Variants in STARD13 observed in about 807,000 individuals in gnomAD.
STARD13 encodes StAR related lipid transfer domain containing 13.
A neutral mutation model predicts 106.4 loss-of-function variants in STARD13; 62 were observed. The observed-to-expected ratio is 0.58, with a 90% CI of 0.48 to 0.72. The LOEUF (loss-of-function observed/expected upper bound fraction) is 0.72, where lower values mean the gene tolerates loss of function less well. STARD13 is among the 30% of genes least tolerant of loss of function. The pLI, the probability that STARD13 is intolerant of heterozygous loss-of-function variation, is 0.00. For missense variants in STARD13, 1,387 were observed against 1,424.0 expected, an observed-to-expected ratio of 0.97 and a Z score of 0.42; for synonymous variants, 565 against 553.0, an observed-to-expected ratio of 1.02 and a Z score of -0.31.
chr13:33,318,208 C>T (rs1893415775), intron 1 of STARD13, among the ~76,000 whole-genome samples: 1 of 152,144 alleles, frequency 6.6e-6, no homozygotes, highest in African/African-American at 2.4e-5. Context: ...TTATGATCTA[C>T]TCAGTTTTAA....
the STARD13 span, among the ~76,000 whole-genome samples, chr13:33,564,928 G>T: frequency 7.0e-6 from 1 of 143,794 alleles, no homozygotes; most frequent in Non-Finnish European, 1.5e-5. Context: ...GGGAGGTGGA[G>T]GTTGCAGTGA....
At chr13:33,161,912 C>G (rs79397685) in intron 3 of STARD13, among the ~76,000 whole-genome samples, 22,651 of 151,942 alleles carry the variant, frequency 0.15, 2,260 homozygotes, top group African/African-American at 0.28. Context: ...CCTGATAAAA[C>G]CTTCAGATCT....
chr13:33,218,250 A>G (rs747476081), intron 1 of STARD13, among the ~76,000 whole-genome samples: 3 of 152,188 alleles, frequency 2.0e-5, no homozygotes, highest in African/African-American at 4.8e-5. Context: ...TTCCTTATCT[A>G]TGAGGAACAT....
the STARD13 span, among the ~76,000 whole-genome samples, chr13:33,522,107 G>C: frequency 2.0e-3 from 302 of 152,118 alleles, 1 homozygote; most frequent in African/African-American, 7.0e-3. Flanking sequence ...CTATTTATCA[G>C]GCATTCTTTA....
At chr13:33,482,808 T>G in the STARD13 span, among the ~76,000 whole-genome samples, 1 of 152,218 alleles carries the variant, frequency 6.6e-6, no homozygotes. Flanking sequence ...GAATCCAACT[T>G]GAAGTTTGAA....
the STARD13 span, among the ~76,000 whole-genome samples, chr13:33,629,182 C>G: frequency 6.6e-6 from 1 of 152,168 alleles, no homozygotes; most frequent in Non-Finnish European, 1.5e-5. Context: ...GGCCAAACGC[C>G]ATAGGAAAGC....
chr13:33,301,241 G>A (rs924130837), intron 1 of STARD13, among the ~76,000 whole-genome samples: 3 of 152,204 alleles, frequency 2.0e-5, no homozygotes, highest in Admixed American at 6.5e-5. Context: ...AGACAGGTAG[G>A]AAGGATGGTA....
At chr13:33,623,549 A>G in the STARD13 span, among the ~76,000 whole-genome samples, 12 of 151,864 alleles carry the variant, frequency 7.9e-5, no homozygotes, top group Non-Finnish European at 1.5e-4. Flanking sequence ...AGGTTTTGGT[A>G]ATAGGGTTAT....
At chr13:33,445,585 T>G in the STARD13 span, among the ~76,000 whole-genome samples, 1 of 152,122 alleles carries the variant, frequency 6.6e-6, no homozygotes, top group Non-Finnish European at 1.5e-5. Flanking sequence ...TGCGTGTTGC[T>G]ACAAAGAAAT....
the STARD13 span, among the ~76,000 whole-genome samples, chr13:33,509,427 A>G: frequency 6.6e-6 from 1 of 152,194 alleles, no homozygotes; most frequent in Admixed American, 6.5e-5. Context: ...CTGGTCAACC[A>G]GGGATCTGGG....
At chr13:33,621,851 C>T in the STARD13 span, among the ~76,000 whole-genome samples, 1 of 150,790 alleles carries the variant, frequency 6.6e-6, no homozygotes, top group South Asian at 2.1e-4. Flanking sequence ...GTCATCCAGG[C>T]TGGAGTGCAG....
the STARD13 span, among the ~76,000 whole-genome samples, chr13:33,427,730 C>T: frequency 9.9e-5 from 15 of 152,046 alleles, no homozygotes; most frequent in South Asian, 1.0e-3. Flanking sequence ...CCGAGGCGGG[C>T]GGATCACCTG....
At chr13:33,204,955 G>A (rs1241135716) in intron 1 of STARD13, among the ~76,000 whole-genome samples, 1 of 152,198 alleles carries the variant, frequency 6.6e-6, no homozygotes, top group Non-Finnish European at 1.5e-5. Flanking sequence ...TGTGTAAATT[G>A]TAAAAGAATT....
At chr13:33,650,185 T>G in the STARD13 span, among the ~76,000 whole-genome samples, 6 of 93,560 alleles carry the variant, frequency 6.4e-5, 1 homozygote, top group East Asian at 1.3e-3. Context: ...TTTTTTTTTT[T>G]TTTTTTTTTT....
chr13:33,431,329 T>A, the STARD13 span, among the ~76,000 whole-genome samples: 4 of 152,174 alleles, frequency 2.6e-5, no homozygotes, highest in East Asian at 7.7e-4. Flanking sequence ...AAAATTTCAA[T>A]AATTTTTATT....
At chr13:33,301,572 T>C (rs963934758) in intron 1 of STARD13, among the ~76,000 whole-genome samples, 5 of 145,990 alleles carry the variant, frequency 3.4e-5, no homozygotes, top group African/African-American at 1.3e-4. Context: ...TTTTTTCTTT[T>C]TTTTTTTTTT....
the STARD13 span, among the ~76,000 whole-genome samples, chr13:33,562,011 T>C: frequency 6.8e-6 from 1 of 147,038 alleles, no homozygotes; most frequent in Admixed American, 7.0e-5. Context: ...ATATCTGAGA[T>C]AACATCTCCA....
intron 1 of STARD13, among the ~76,000 whole-genome samples, chr13:33,213,295 C>G (rs1384987451): frequency 6.6e-6 from 1 of 151,924 alleles, no homozygotes; most frequent in Non-Finnish European, 1.5e-5. Flanking sequence ...GCTTATATTA[C>G]CCAAAAGGAG....
intron 1 of STARD13, among the ~76,000 whole-genome samples, chr13:33,215,125 G>GC (rs368523480): frequency 7.9e-6 from 1 of 125,876 alleles, no homozygotes; most frequent in African/African-American, 3.1e-5. Flanking sequence ...TACTTGGGGG[G>GC]GGGGGTGGGG....
Sources: allele counts gnomAD v4.1 joint callset (sites outside exome capture counted in the v4.1 genomes callset), GRCh38; gene constraint gnomAD v4.1.1; transcripts MANE v1.5; gene names NCBI Gene and HGNC (gene_info 2026-07-23, HGNC 2026-07-21).